Variants in CCPG1 observed in about 807,000 individuals in gnomAD.
The protein encoded by CCPG1 is cell cycle progression 1, also known as cell cycle progression protein 1.
CCPG1 carries 46 observed loss-of-function variants against 81.3 expected under a neutral mutation model. That is an observed-to-expected ratio of 0.57 (90% confidence interval 0.45 to 0.72). The LOEUF is 0.72. CCPG1 is among the 30% of genes least tolerant of loss of function. The pLI, the probability that CCPG1 is intolerant of heterozygous loss-of-function variation, is 0.00. For synonymous variants in CCPG1, 330 were observed against 305.2 expected (o/e 1.08, Z -0.85); for missense variants, 902 against 937.6 (o/e 0.96, Z 0.50).
intron 3 of CCPG1, among the ~76,000 whole-genome samples, chr15:55,380,865 C>T (rs575190837): frequency 1.5e-5 from 2 of 130,662 alleles, no homozygotes; most frequent in Admixed American, 1.4e-4. Context: ...TGGCCGGGCG[C>T]GGCGGCTCAC....
At position 55,378,030 on chromosome 15, in the gene CCPG1, T is replaced by C. The variant is rs550083798; in HGVS notation, c.252+270A>G. 2.0e-5 allele frequency among the ~76,000 whole-genome samples: 3 copies of C among 152,328 alleles called. No individual in the cohort carries two copies. In the South Asian group the frequency reaches 6.2e-4, roughly 32 times the overall value. On this transcript the variant is annotated intron_variant, in intron 4 of 8. Transcript: ENST00000442196. ...CAAATTTTAAAATGAACCACCATTT[T>C]AGACATGAAACCTAACAGTTTAATT... is the stretch of plus-strand genomic sequence containing the variant.
intron 6 of CCPG1, among the ~76,000 whole-genome samples, chr15:55,366,658 G>T (rs2056334269): frequency 6.6e-6 from 1 of 152,140 alleles, no homozygotes; most frequent in South Asian, 2.1e-4. Flanking sequence ...TGTAATCCCA[G>T]CTACTCGGGA....
chr15:55,376,602 A>G (rs1305064233), intron 5 of CCPG1, among the ~76,000 whole-genome samples: 1 of 152,230 alleles, frequency 6.6e-6, no homozygotes, highest in African/African-American at 2.4e-5. Context: ...CAAAATGTAC[A>G]CTACTGCAAG....
At chr15:55,362,137 C>G (rs1426860546) in intron 7 of CCPG1, among the ~76,000 whole-genome samples, 5 of 152,062 alleles carry the variant, frequency 3.3e-5, no homozygotes, top group Non-Finnish European at 5.9e-5. Flanking sequence ...GCATTAGTAA[C>G]AAAATCTAAC....
At chr15:55,389,595 A>G (rs2056874580) in intron 1 of CCPG1, among the ~76,000 whole-genome samples, 162 bp from the exon 2 acceptor site, 2 of 152,210 alleles carry the variant, frequency 1.3e-5, no homozygotes, top group South Asian at 4.1e-4. Flanking sequence ...AGGACTGCAT[A>G]CCTGTATGAA....
chr15:55,377,018 G>A lies in CCPG1; in HGVS notation c.385C>T (p.Gln129Ter). 6.2e-7 allele frequency: 1 copy of A among 1,613,860 alleles called. No individual in the cohort carries two copies. Among genetic ancestry groups the A allele is most frequent in the South Asian group, 1.1e-5 (1 of 91,084 alleles). The change falls in exon 5 of 9, where the codon CAG becomes TAG. Residue 129 changes from glutamine to a stop codon, truncating the protein, a stop_gained. Coordinates refer to ENST00000442196, the MANE Select transcript of CCPG1 (RefSeq NM_001204450.2). LOFTEE classifies it high-confidence loss of function. The part of the protein sequence containing the change: ...NQEVVIVEEA[Q>*]SSEDFNMGSS... The stretch of plus-strand genomic sequence containing the variant: ...CCCATGTTAAAGTCTTCTGAACTCT[G>A]TGCTTCTTCAACAATGACAACTTCT...
chr15:55,401,828 A>G (rs1373664499), intron 1 of CCPG1, among the ~76,000 whole-genome samples: 1 of 152,224 alleles, frequency 6.6e-6, no homozygotes, highest in African/African-American at 2.4e-5. Context: ...CACACTCCTT[A>G]GTGTGACACT....
At chr15:55,374,533 G>A (rs930405316) in intron 5 of CCPG1, among the ~76,000 whole-genome samples, 2 of 152,136 alleles carry the variant, frequency 1.3e-5, no homozygotes, top group Non-Finnish European at 2.9e-5. Context: ...AGAAAAAATT[G>A]AAGTTGAAAT....
intron 1 of CCPG1, among the ~76,000 whole-genome samples, chr15:55,401,775 G>A (rs17819108): frequency 0.23 from 35,522 of 151,942 alleles, 5,280 homozygotes; most frequent in Non-Finnish European, 0.34. Flanking sequence ...TTCCCACTCA[G>A]AGTCTGCCCA....
At position 55,355,979 on chromosome 15, in the gene CCPG1, T is replaced by G. The variant is rs1566963399; in HGVS notation, c.*241A>C. 2.1e-6 allele frequency: 1 copy of G among 473,032 alleles called. No individual in the cohort carries two copies. The highest frequency in any genetic ancestry group is 2.0e-5 in the African/African-American group (1 of 48,832). The allele number at this position is 473,032 out of a possible 1,614,324, so 29.3% of individuals were successfully genotyped here. ...TCTGTTGCATGCCTGGCTTCCTTAA[T>G]AAAACTACAGTTGAACATTTCCAGT... is the stretch of plus-strand genomic sequence containing the variant. On this transcript the variant is annotated 3_prime_UTR_variant, in exon 9 of 9. Coordinates refer to ENST00000442196, the MANE Select transcript of CCPG1 (RefSeq NM_001204450.2).
intron 1 of CCPG1, among the ~76,000 whole-genome samples, chr15:55,397,694 G>T (rs1425719489): frequency 6.6e-6 from 1 of 151,958 alleles, no homozygotes. Flanking sequence ...TCAGTAAATT[G>T]GGCCGGGCAT....
In CCPG1 at chr15:55,356,359, C is replaced by T; in HGVS notation, c.2285G>A (p.Arg762Gln). 2.0e-6 allele frequency: 3 copies of T among 1,535,484 alleles called. No individual in the cohort carries two copies. Among genetic ancestry groups the T allele is most frequent in the South Asian group, 2.4e-5 (2 of 83,904 alleles). ...CTGAAGGTGCTTCTGCTCTTGTTTTCGATGCCTGGAGTTTTCAATATTTAC... is the reference window on the plus strand; with the variant it reads ...CTGAAGGTGCTTCTGCTCTTGTTTTTGATGCCTGGAGTTTTCAATATTTAC... ...RMVNIENSRH[R>Q]KQEQKHLQPQ... The change falls in exon 9 of 9, where the codon CGA becomes CAA. Residue 762 changes from arginine (R) to glutamine (Q), a missense_variant. Physicochemically the swap from Arg to Gln is conservative, Grantham distance 43. Coordinates refer to ENST00000442196, the MANE Select transcript of CCPG1 (RefSeq NM_001204450.2).
intron 5 of CCPG1, chr15:55,372,816 A>C (rs2056481010): frequency 2.6e-6 from 1 of 387,040 alleles, no homozygotes; most frequent in Non-Finnish European, 5.3e-6. Context: ...CCTGTGACTT[A>C]TAAAGTAAAA....
chr15:55,407,206 C>A (rs980940666), intron 1 of CCPG1, among the ~76,000 whole-genome samples: 1 of 142,914 alleles, frequency 7.0e-6, no homozygotes, highest in Non-Finnish European at 1.5e-5. Flanking sequence ...CCAGCCTGGG[C>A]AACAAGAGCG....
rs551677234 is a variant in CCPG1 at position 55,382,752 on chromosome 15, G to A, written c.175+2848C>T. Among the ~76,000 whole-genome samples, 37 of 152,030 alleles carry A rather than the reference G, an allele frequency of 2.4e-4. 1 individual carries two copies. The highest frequency in any genetic ancestry group is 2.1e-3 in the East Asian group (11 of 5,168). On this transcript the variant is annotated intron_variant, in intron 3 of 8. Transcript: ENST00000442196. Reference sequence around the variant, plus strand: ...TCTCGATCTCCTGACCTCATGATCCGCCCACCTCAGCCTCCCAAAGTGCTG... The same window carrying A: ...TCTCGATCTCCTGACCTCATGATCCACCCACCTCAGCCTCCCAAAGTGCTG...
intron 3 of CCPG1, among the ~76,000 whole-genome samples, chr15:55,384,528 G>A (rs1177029386): frequency 2.6e-5 from 4 of 151,996 alleles, no homozygotes; most frequent in South Asian, 2.1e-4. Flanking sequence ...GCACGGTGGC[G>A]CATGCCTGTA....
intron 2 of CCPG1, among the ~76,000 whole-genome samples, chr15:55,387,249 C>G (rs79024225): frequency 2.6e-5 from 4 of 152,222 alleles, no homozygotes; most frequent in Non-Finnish European, 5.9e-5. Flanking sequence ...TGCTGTCATA[C>G]TCCACCCTGC....
intron 5 of CCPG1, chr15:55,373,000 A>C: frequency 1.9e-6 from 1 of 534,744 alleles, no homozygotes. Flanking sequence ...CCCTCTAGTA[A>C]ATATGTCAGC....
chr15:55,358,974 A>T (rs548443573), intron 8 of CCPG1: 1 of 975,988 alleles, frequency 1.0e-6, no homozygotes, highest in East Asian at 1.1e-4. Flanking sequence ...ATTATTATGA[A>T]GTACACACAT....
Sources: allele counts gnomAD v4.1 joint callset (sites outside exome capture counted in the v4.1 genomes callset), GRCh38; gene constraint gnomAD v4.1.1; transcripts MANE v1.5; gene names NCBI Gene and HGNC (gene_info 2026-07-23, HGNC 2026-07-21).